TAS2R1: variants seen among roughly 807,000 people sequenced by gnomAD.
TAS2R1 encodes taste receptor type 2 member 1.
For synonymous variants in TAS2R1, 141 were observed against 134.2 expected (o/e 1.05, Z -0.35); for missense variants, 370 against 353.4 (o/e 1.05, Z -0.38).
the TAS2R1 span, among the ~76,000 whole-genome samples, chr5:9,811,565 G>A: frequency 4.6e-5 from 7 of 152,214 alleles, no homozygotes; most frequent in South Asian, 6.2e-4. Flanking sequence ...TTTGCCGGAC[G>A]CATTTGCTCC....
the TAS2R1 span, among the ~76,000 whole-genome samples, chr5:9,748,462 T>C: frequency 2.6e-5 from 4 of 152,168 alleles, no homozygotes; most frequent in Non-Finnish European, 4.4e-5. Context: ...AGTTGATAAA[T>C]AAAAGAGGTT....
chr5:9,718,720 G>A, the TAS2R1 span, among the ~76,000 whole-genome samples: 59 of 152,180 alleles, frequency 3.9e-4, no homozygotes, highest in Non-Finnish European at 7.8e-4. Context: ...CCCATGTGAA[G>A]GACATAGTAT....
chr5:9,730,728 A>G, the TAS2R1 span, among the ~76,000 whole-genome samples: 1 of 152,016 alleles, frequency 6.6e-6, no homozygotes, highest in Non-Finnish European at 1.5e-5. Context: ...TCCCCACCCA[A>G]ATCTCATTTA....
the TAS2R1 span, among the ~76,000 whole-genome samples, chr5:9,750,495 A>G: frequency 6.6e-6 from 1 of 152,232 alleles, no homozygotes; most frequent in Non-Finnish European, 1.5e-5. Context: ...TAACTTTAAC[A>G]GGAATGGGAA....
chr5:9,683,318 C>T (rs1037349889), intron 1 of TAS2R1, among the ~76,000 whole-genome samples: 1 of 152,140 alleles, frequency 6.6e-6, no homozygotes, highest in Non-Finnish European at 1.5e-5. Flanking sequence ...GATTTAAGGT[C>T]CATGTGTGTA....
rs139710814 is a variant in TAS2R1, at chr5:9,627,948, G to A, written c.*1185C>T. ...CTGCGTGGCTTGGGTTAGAAAAGCT[G>A]TATTTGGGTTCCTATTACTGGTGAT... On this transcript the variant is annotated 3_prime_UTR_variant, in exon 1 of 1. Transcript: ENST00000382492. Among the ~76,000 whole-genome samples the A allele has an allele frequency of 2.7e-4, 41 of 152,274 alleles. No individual in the cohort carries two copies. Among genetic ancestry groups the A allele is most frequent in the African/African-American group, 9.9e-4 (41 of 41,566 alleles).
chr5:9,638,261 G>A (rs1333461426), intron 2 of TAS2R1, among the ~76,000 whole-genome samples: 1 of 152,244 alleles, frequency 6.6e-6, no homozygotes, highest in Non-Finnish European at 1.5e-5. Context: ...TGTCTGCAAA[G>A]AGTCCTGTGA....
At chr5:9,883,163 G>A in the TAS2R1 span, among the ~76,000 whole-genome samples, 1 of 152,136 alleles carries the variant, frequency 6.6e-6, no homozygotes, top group African/African-American at 2.4e-5. Flanking sequence ...CTTATAAGTG[G>A]GAGCTGAACA....
At chr5:9,828,695 T>C in the TAS2R1 span, among the ~76,000 whole-genome samples, 2 of 152,260 alleles carry the variant, frequency 1.3e-5, no homozygotes, top group African/African-American at 4.8e-5. Flanking sequence ...TAATTTGCAA[T>C]GTCATGTAGA....
chr5:9,798,510 G>T, the TAS2R1 span, among the ~76,000 whole-genome samples: 2 of 152,114 alleles, frequency 1.3e-5, no homozygotes, highest in African/African-American at 4.8e-5. Flanking sequence ...TTATGTCCTA[G>T]CCCTGATTCT....
At chr5:9,836,423 T>C in the TAS2R1 span, among the ~76,000 whole-genome samples, 3 of 152,118 alleles carry the variant, frequency 2.0e-5, no homozygotes, top group Non-Finnish European at 2.9e-5. Context: ...AGGGCTGTCA[T>C]GTGCATTGTG....
chr5:9,876,947 C>T, the TAS2R1 span, among the ~76,000 whole-genome samples: 1 of 152,146 alleles, frequency 6.6e-6, no homozygotes, highest in Non-Finnish European at 1.5e-5. Flanking sequence ...AAGAAACCAC[C>T]AATACTCAAG....
chr5:9,800,859 C>T, the TAS2R1 span, among the ~76,000 whole-genome samples: 1 of 152,160 alleles, frequency 6.6e-6, no homozygotes, highest in Non-Finnish European at 1.5e-5. Flanking sequence ...TTAAATAAGG[C>T]CCTTGGGGTA....
intron 2 of TAS2R1, among the ~76,000 whole-genome samples, chr5:9,637,035 G>T (rs185191068): frequency 6.6e-6 from 1 of 151,194 alleles, no homozygotes; most frequent in East Asian, 1.9e-4. Flanking sequence ...TGAGATTTAT[G>T]CTTTAAGGAG....
chr5:9,817,616 T>C, the TAS2R1 span, among the ~76,000 whole-genome samples: 6 of 152,168 alleles, frequency 3.9e-5, no homozygotes, highest in Non-Finnish European at 8.8e-5. Context: ...TTTTCTTGTA[T>C]GTGAATAATG....
the TAS2R1 span, among the ~76,000 whole-genome samples, chr5:9,746,732 CAG>C: frequency 6.6e-6 from 1 of 152,076 alleles, no homozygotes; most frequent in Admixed American, 6.5e-5. Context: ...CACATGGACA[CAG>C]GGAGGGGAAC....
At chr5:9,717,667 A>T in the TAS2R1 span, among the ~76,000 whole-genome samples, 11 of 149,908 alleles carry the variant, frequency 7.3e-5, no homozygotes, top group South Asian at 4.2e-4. Flanking sequence ...CAAAGAAACA[A>T]TAAAATGTCA....
chr5:9,751,280 C>T, the TAS2R1 span, among the ~76,000 whole-genome samples: 1 of 151,410 alleles, frequency 6.6e-6, no homozygotes, highest in Non-Finnish European at 1.5e-5. Flanking sequence ...CCCTCCCCCA[C>T]CCCCACCAAA....
At chr5:9,861,037 G>GTTTTTTTTTTTTTTTTTTTTTTTT in the TAS2R1 span, among the ~76,000 whole-genome samples, 217 of 88,564 alleles carry the variant, frequency 2.5e-3, 10 homozygotes, top group Non-Finnish European at 3.0e-3. Flanking sequence ...GGAAGATGAG[G>GTTTTTTTTTTTTTTTTTTTTTTTT]TTTTTTTTTT....
Sources: allele counts gnomAD v4.1 joint callset (sites outside exome capture counted in the v4.1 genomes callset), GRCh38; gene constraint gnomAD v4.1.1; transcripts MANE v1.5; gene names NCBI Gene and HGNC (gene_info 2026-07-23, HGNC 2026-07-21).